Variants in AMMECR1 observed in about 807,000 individuals in gnomAD.
AMMECR1 encodes nuclear protein AMMECR1.
AMMECR1 carries 3 observed loss-of-function variants against 22.5 expected under a neutral mutation model. The observed-to-expected ratio is 0.13, with a 90% confidence interval of 0.06 to 0.35. The LOEUF (loss-of-function observed/expected upper bound fraction) is 0.35, where lower values mean the gene tolerates loss of function less well. Among genes scored for constraint, AMMECR1 ranks in the 10% least tolerant of loss-of-function variants. AMMECR1 has a pLI of 1.00. For missense variants in AMMECR1, 235 were observed against 278.7 expected, an observed-to-expected ratio of 0.84 and a Z score of 1.12; for synonymous variants, 130 against 116.7, an observed-to-expected ratio of 1.11 and a Z score of -0.74.
rs955160870 is a variant in AMMECR1, at chrX:110,194,989, AC to A, written c.*3530del. ...CTAGCAAAAATCACTTAGAAACTGT[AC>A]AAAAATAAAAAAGTTAACACATTTA... On this transcript the variant is annotated 3_prime_UTR_variant, in exon 6 of 6. Transcript: ENST00000262844. 1 of 112,294 alleles carries A rather than the reference AC, an allele frequency of 8.9e-6. No homozygotes were observed. The highest frequency in any genetic ancestry group is 1.9e-5 in the Non-Finnish European group (1 of 53,242). The allele number at this position is 112,294 out of a possible 1,213,427, so 9.3% of individuals were successfully genotyped here. A position where few individuals can be genotyped will look rare whatever the true frequency, so the allele number is the denominator to read the frequency against.
intron 1 of AMMECR1, among the ~76,000 whole-genome samples, chrX:110,281,320 T>C (rs2067851331): frequency 8.9e-6 from 1 of 112,434 alleles, no homozygotes; most frequent in Non-Finnish European, 1.9e-5. Flanking sequence ...AAAGAACTCA[T>C]TCTACAGTAG....
At chrX:110,241,453 C>A (rs2067631941) in intron 2 of AMMECR1, among the ~76,000 whole-genome samples, 1 of 111,947 alleles carries the variant, frequency 8.9e-6, no homozygotes, top group Admixed American at 9.4e-5. Flanking sequence ...ATACTATAAA[C>A]ACCTCTACGC....
chrX:110,266,617 G>A (rs900351494), intron 1 of AMMECR1, among the ~76,000 whole-genome samples: 15 of 110,094 alleles, frequency 1.4e-4, no homozygotes, highest in African/African-American at 4.0e-4. Flanking sequence ...TCCTGACCTC[G>A]TGATCTGCCC....
intron 2 of AMMECR1, among the ~76,000 whole-genome samples, chrX:110,387,953 C>T (rs1273869304): frequency 9.3e-6 from 1 of 107,033 alleles, no homozygotes; most frequent in African/African-American, 3.4e-5. Flanking sequence ...GCTCCGCCTC[C>T]CGGGTTCACG....
At chrX:110,381,713 C>T (rs1279773192) in intron 2 of AMMECR1, among the ~76,000 whole-genome samples, 3 of 111,065 alleles carry the variant, frequency 2.7e-5, no homozygotes, top group African/African-American at 6.6e-5. Flanking sequence ...AAAATGTACA[C>T]GTACACCATG....
chrX:110,434,824 C>A (rs894682259), intron 1 of AMMECR1, among the ~76,000 whole-genome samples: 1 of 110,399 alleles, frequency 9.1e-6, no homozygotes, highest in Non-Finnish European at 1.9e-5. Context: ...GATGGGGTTT[C>A]TCCTCTCCCA....
chrX:110,317,910 G>A lies in AMMECR1; in HGVS notation c.162C>T (p.Asn54=), dbSNP rs372083534. The change falls in exon 1 of 6, where the codon AAC becomes AAT. Residue 54 remains asparagine (N), a synonymous_variant. Transcript: ENST00000262844. ...LGLGGAGTRL[N]GLGGLTGGGS... ...CTCCTCCGGTTAGACCTCCCAGCCC[G>A]TTGAGCCGCGTACCGGCGCCTCCTA... The A allele has an allele frequency of 3.1e-5, 37 of 1,195,874 alleles. No individual in the cohort carries two copies. Among genetic ancestry groups the A allele is most frequent in the Non-Finnish European group, 4.1e-5 (36 of 887,758 alleles).
At chrX:110,434,229 G>A (rs1355634359) in intron 1 of AMMECR1, among the ~76,000 whole-genome samples, 1 of 111,790 alleles carries the variant, frequency 8.9e-6, no homozygotes, top group South Asian at 3.8e-4. Context: ...GGGAGTGGAC[G>A]AGTATTTGGG....
chrX:110,369,703 AG>A (rs1479601412), intron 2 of AMMECR1, among the ~76,000 whole-genome samples: 2 of 111,909 alleles, frequency 1.8e-5, no homozygotes, highest in East Asian at 5.6e-4. Flanking sequence ...AATTTTTTAG[AG>A]ATAGCATGTA....
chrX:110,341,427 C>T (rs1240834405), intron 2 of AMMECR1, among the ~76,000 whole-genome samples: 2 of 112,480 alleles, frequency 1.8e-5, no homozygotes, highest in South Asian at 3.7e-4. Context: ...GTTTCAATTA[C>T]CCACAGCCAA....
Position 110,197,924 on chromosome X carries a change from A to G in AMMECR1, c.*596T>C, listed in dbSNP as rs2067378461. 8.9e-6 allele frequency: 1 copy of G among 112,256 alleles called. No individual in the cohort carries two copies. Among genetic ancestry groups the G allele is most frequent in the Admixed American group, 9.5e-5 (1 of 10,545 alleles). The allele number at this position is 112,256 out of a possible 1,213,427, so 9.3% of individuals were successfully genotyped here. On this transcript the variant is annotated 3_prime_UTR_variant, in exon 6 of 6. Transcript: ENST00000262844. ...TCACCATGGGAAAAACATATACTTAAGGAGTGAAGACCCAACTACTAGGCT... is the reference window on the plus strand; with the variant it reads ...TCACCATGGGAAAAACATATACTTAGGGAGTGAAGACCCAACTACTAGGCT...
chrX:110,367,490 T>A (rs1204306649), intron 2 of AMMECR1, among the ~76,000 whole-genome samples: 1 of 111,415 alleles, frequency 9.0e-6, no homozygotes, highest in Non-Finnish European at 1.9e-5. Flanking sequence ...TTTATCACTC[T>A]CTCCTTGAAA....
chrX:110,351,938 C>G (rs1380909740), intron 2 of AMMECR1, among the ~76,000 whole-genome samples: 3 of 111,921 alleles, frequency 2.7e-5, no homozygotes, highest in Non-Finnish European at 5.6e-5. Context: ...TATGTTTCTA[C>G]AAAGAAGATA....
rs2067378267 is a variant in AMMECR1, at chrX:110,197,876, C to T, written c.*644G>A. On this transcript the variant is annotated 3_prime_UTR_variant, in exon 6 of 6. Transcript: ENST00000262844. ...ATCACGGACCTTTGAATGCTCACTA[C>T]TAGAACTAAAGTTCATGTATTTTCA... The T allele has an allele frequency of 8.9e-6, 1 of 111,790 alleles. No homozygotes were observed. The highest frequency in any genetic ancestry group is 1.9e-5 in the Non-Finnish European group (1 of 53,062). 9.2% of individuals were successfully genotyped at this position (111,790 alleles called of 1,213,427 possible). A position where few individuals can be genotyped will look rare whatever the true frequency, so the allele number is the denominator to read the frequency against.
intron 2 of AMMECR1, among the ~76,000 whole-genome samples, chrX:110,357,744 G>A (rs2068237728): frequency 8.9e-6 from 1 of 111,799 alleles, no homozygotes; most frequent in African/African-American, 3.3e-5. Flanking sequence ...ATGCATGCAG[G>A]AGAAAATACT....
chrX:110,232,719 T>A (rs767588869), intron 2 of AMMECR1, among the ~76,000 whole-genome samples: 142 of 107,667 alleles, frequency 1.3e-3, no homozygotes, highest in African/African-American at 4.6e-3. Context: ...TGAAACCCCA[T>A]CTCTACTAAA....
intron 2 of AMMECR1, among the ~76,000 whole-genome samples, chrX:110,420,849 A>G (rs370037581): frequency 5.4e-5 from 6 of 111,100 alleles, no homozygotes; most frequent in East Asian, 5.6e-4. Context: ...TTGGCTCGGG[A>G]GGCAGGTTTC....
At chrX:110,350,227 A>T (rs889073648) in intron 2 of AMMECR1, among the ~76,000 whole-genome samples, 1 of 112,140 alleles carries the variant, frequency 8.9e-6, no homozygotes, top group Non-Finnish European at 1.9e-5. Context: ...AGAAGAGAGA[A>T]AATAAAAGTG....
At chrX:110,352,005 C>T (rs774932831) in intron 2 of AMMECR1, among the ~76,000 whole-genome samples, 7 of 111,952 alleles carry the variant, frequency 6.3e-5, no homozygotes, top group Non-Finnish European at 1.3e-4. Context: ...TAGAGAAATG[C>T]AAACCCAAAC....
Sources: gnomAD v4.1 joint callset for allele counts (sites outside exome capture counted in the v4.1 genomes callset) on GRCh38, gnomAD v4.1.1 for gene constraint, MANE v1.5 for transcripts, NCBI Gene and HGNC (gene_info 2026-07-23, HGNC 2026-07-21) for gene names.